HDAC10: variants seen among roughly 807,000 people sequenced by gnomAD.
HDAC10 encodes polyamine deacetylase HDAC10.
HDAC10 carries 90 observed loss-of-function variants against 82.3 expected under a neutral mutation model. The ratio of observed to expected loss-of-function variants is 1.09; its 90% CI spans 0.92 to 1.30. The LOEUF is 1.30. Among genes scored for constraint, HDAC10 ranks in the 50% most tolerant of loss-of-function variants. The pLI is 0.00. For synonymous variants in HDAC10, 456 were observed against 391.7 expected, an observed-to-expected ratio of 1.16 and a Z score of -1.94; for missense variants, 934 against 876.3, an observed-to-expected ratio of 1.07 and a Z score of -0.83.
chr22:50,247,881 C>T lies in HDAC10; in HGVS notation c.1337+9G>A. ...GCCCCATCCTTCTCCCCAGGCCAGCCCTGCCCACCTGGCCCAGGCTTCTGT... is the reference window on the plus strand; with the variant it reads ...GCCCCATCCTTCTCCCCAGGCCAGCTCTGCCCACCTGGCCCAGGCTTCTGT... On this transcript the variant is annotated intron_variant, in intron 13 of 19. Transcript: ENST00000216271. 1 of 1,612,650 alleles carries T rather than the reference C, an allele frequency of 6.2e-7. No homozygotes were observed. Among genetic ancestry groups the T allele is most frequent in the African/African-American group, 1.3e-5 (1 of 75,052 alleles).
In HDAC10 at chr22:50,250,910, G is replaced by A. The variant is rs993780646; in HGVS notation, c.60-5C>T. On this transcript the variant is annotated splice_region_variant and splice_polypyrimidine_tract_variant and intron_variant, in intron 1 of 19. Transcript: ENST00000216271. ...CGCTCGATCTCGCACTCGGGGCTGGGGCAGATGAGGAGCTCAGTTCAGAGG... is the reference window on the plus strand; with the variant it reads ...CGCTCGATCTCGCACTCGGGGCTGGAGCAGATGAGGAGCTCAGTTCAGAGG... The A allele has an allele frequency of 1.9e-6, 3 of 1,604,350 alleles. No homozygotes were observed. Among genetic ancestry groups the A allele is most frequent in the African/African-American group, 1.3e-5 (1 of 74,652 alleles).
Position 50,245,834 on chromosome 22 carries a change from C to T in HDAC10, c.1834-7G>A. 6.4e-7 allele frequency: 1 copy of T among 1,564,510 alleles called. No individual in the cohort carries two copies. The highest frequency in any genetic ancestry group is 1.4e-5 in the African/African-American group (1 of 73,608). Reference sequence around the variant, plus strand: ...CTAGCTGGGGTGTGGAGTTCTGGACCAGGGGCGAAGACGGAAGCAGTCACT... The same window carrying T: ...CTAGCTGGGGTGTGGAGTTCTGGACTAGGGGCGAAGACGGAAGCAGTCACT... On this transcript the variant is annotated splice_region_variant and splice_polypyrimidine_tract_variant and intron_variant, in intron 18 of 19. Transcript: ENST00000216271.
At chr22:50,245,557 G>A in intron 19 of HDAC10, 27 bp from the exon 20 acceptor site, 1 of 1,248,180 alleles carries the variant, frequency 8.0e-7, no homozygotes, top group Non-Finnish European at 1.2e-6. Context: ...GAAGAGGCGC[G>A]CAGTTGGCCT....
Position 50,246,361 on chromosome 22 carries a change from C to A in HDAC10, c.1587G>T (p.Leu529=). The part of the protein sequence containing the change: ...DLAHDGRSLW[L]NIRGKEAAAL... Reference sequence around the variant, plus strand: ...CAGCCGCCTCCTTGCCCCTGATGTTCAGCCACAGACTCCTCCTTCCAGGAC... The same window carrying A: ...CAGCCGCCTCCTTGCCCCTGATGTTAAGCCACAGACTCCTCCTTCCAGGAC... Residue 529 remains leucine (L), a synonymous_variant, in exon 17 of 20, where the codon CTG becomes CTT. Transcript: ENST00000216271. The A allele has an allele frequency of 6.2e-7, 1 of 1,612,512 alleles. No homozygotes were observed. The highest frequency in any genetic ancestry group is 1.1e-5 in the South Asian group (1 of 91,064).
At chr22:50,250,185 G>A (rs1408683912) in intron 3 of HDAC10, 25 bp from the exon 4 acceptor site, 1 of 1,593,798 alleles carries the variant, frequency 6.3e-7, no homozygotes, top group Admixed American at 1.7e-5. Flanking sequence ...GCGCAGATGA[G>A]CCCCCTGCCT....
At position 50,248,669 on chromosome 22, in the gene HDAC10, A is replaced by C. The variant is rs375798796; in HGVS notation, c.899T>G (p.Val300Gly). The C allele has an allele frequency of 6.6e-7, 1 of 1,511,168 alleles. No individual in the cohort carries two copies. Among genetic ancestry groups the C allele is most frequent in the Admixed American group, 2.1e-5 (1 of 48,444 alleles). The allele number at this position is 1,511,168 out of a possible 1,614,324, so 93.6% of individuals were successfully genotyped here. A position where few individuals can be genotyped will look rare whatever the true frequency, so the allele number is the denominator to read the frequency against. ...TGTGCCCTCCCCAGTCACCTCCAGC[A>C]CGGCACAGACCCGGCCGCCGGCCAG... ...QVLAGGRVCA[V>G]LEGGYHLESL... is the part of the protein sequence containing the mutation. The change falls in exon 10 of 20, where the codon GTG (valine) becomes GGG (glycine). Residue 300 changes from valine (V) to glycine (G), a missense_variant. Physicochemically the swap from Val to Gly is moderately radical, Grantham distance 109. Coordinates refer to ENST00000216271, the MANE Select transcript of HDAC10 (RefSeq NM_032019.6). This position sits in a 1 kb window ranked among gnomAD's most constrained non-coding sequence, Gnocchi z 5.4.
rs564657299 is a variant in HDAC10 at position 50,248,558 on chromosome 22, G to T, written c.907-86C>A. 2 of 1,483,864 alleles carry T rather than the reference G, an allele frequency of 1.3e-6. No individual in the cohort carries two copies. Among genetic ancestry groups the T allele is most frequent in the Non-Finnish European group, 1.8e-6 (2 of 1,104,400 alleles). The allele number at this position is 1,483,864 out of a possible 1,614,324, so 91.9% of individuals were successfully genotyped here. On this transcript the variant is annotated intron_variant, in intron 10 of 19. Coordinates refer to ENST00000216271, the MANE Select transcript of HDAC10 (RefSeq NM_032019.6). The surrounding 1 kb of genome is among the most constrained non-coding windows in gnomAD (Gnocchi z 5.4). ...GAGAGCCCCTGCCTGGCTCTATCCC[G>T]GGCAGGACGCCCCTCCCAAATACCC... is the stretch of plus-strand genomic sequence containing the variant.
Position 50,246,226 on chromosome 22 carries a change from G to A in HDAC10, c.1650+72C>T, listed in dbSNP as rs149760482. On this transcript the variant is annotated intron_variant, in intron 17 of 19. Transcript: ENST00000216271. ...ACCAGAGGCCTGCTATCATGACAAT[G>A]CCAGCAAACAGCAGCTGTACACATC... 1,796 of 1,525,604 alleles carry A rather than the reference G, an allele frequency of 1.2e-3. 16 individuals are homozygous for A. In the African/African-American group the frequency reaches 0.021, roughly 18 times the overall value. 94.5% of individuals were successfully genotyped at this position (1,525,604 alleles called of 1,614,324 possible). A position where few individuals can be genotyped will look rare whatever the true frequency, so the allele number is the denominator to read the frequency against.
intron 16 of HDAC10, 132 bp downstream of exon 16, chr22:50,246,547 C>A (rs981708792): frequency 1.8e-6 from 2 of 1,104,988 alleles, no homozygotes. Flanking sequence ...TTCTCCCACA[C>A]CCCAGCTGAG....
At position 50,250,444 on chromosome 22, in the gene HDAC10, C is replaced by G; in HGVS notation, c.274G>C (p.Ala92Pro). The change falls in exon 3 of 20, where the codon GCC becomes CCC. Residue 92 changes from alanine (A) to proline (P), a missense_variant. Coordinates refer to ENST00000216271, the MANE Select transcript of HDAC10 (RefSeq NM_032019.6). ...ELQALSGQFDAIYFHPSTFHC... is the reference protein window; with the variant it reads ...ELQALSGQFDPIYFHPSTFHC... ...ACACGCACCGGGTGGAAGTAGATGGCGTCGAACTGTCCGGACAGCGCCTGC... is the reference window on the plus strand; with the variant it reads ...ACACGCACCGGGTGGAAGTAGATGGGGTCGAACTGTCCGGACAGCGCCTGC... 3 of 1,612,906 alleles carry G rather than the reference C, an allele frequency of 1.9e-6. No individual in the cohort carries two copies. Among genetic ancestry groups the G allele is most frequent in the South Asian group, 1.1e-5 (1 of 91,086 alleles).
intron 1 of HDAC10, 22 bp from the exon 2 acceptor site, chr22:50,250,927 G>C: frequency 6.2e-7 from 1 of 1,608,354 alleles, no homozygotes; most frequent in South Asian, 1.1e-5. Flanking sequence ...GAGGAGCTCA[G>C]TTCAGAGGTC....
intron 14 of HDAC10, 126 bp downstream of exon 14, chr22:50,247,566 G>A: frequency 1.5e-6 from 1 of 687,586 alleles, no homozygotes; most frequent in Non-Finnish European, 2.5e-6. Context: ...CTGGCACAAG[G>A]CAATGTTCAC....
Position 50,250,538 on chromosome 22 carries a change from G to A in HDAC10, c.195-15C>T, listed in dbSNP as rs1289165363. 1.2e-5 allele frequency: 19 copies of A among 1,601,552 alleles called. No homozygotes were observed. The highest frequency in any genetic ancestry group is 1.5e-5 in the Non-Finnish European group (18 of 1,170,370). On this transcript the variant is annotated splice_polypyrimidine_tract_variant and intron_variant, in intron 2 of 19. Transcript: ENST00000216271. ...CATACTCTGGGCTGCATGCAGATGG[G>A]CAGGCAGGAGAGGCAGGGTCACCAG...
At position 50,249,541 on chromosome 22, in the gene HDAC10, CAT is replaced by C. The variant is rs3830750; in HGVS notation, c.564-89_564-88del. 37,699 of 1,605,868 alleles carry C rather than the reference CAT, an allele frequency of 0.023. 725 individuals carry two copies. The highest frequency in any genetic ancestry group is 0.095 in the East Asian group (4,228 of 44,686). ...CCTGTAGAACGCTGACCCCTGAGCA[CAT>C]GTCTGTATCTCACCCCTGGATTTTC... On this transcript the variant is annotated intron_variant, in intron 6 of 19. Transcript: ENST00000216271. The surrounding 1 kb of genome is among the most constrained non-coding windows in gnomAD (Gnocchi z 4.4).
Position 50,248,123 on chromosome 22 carries a change from GC to G in HDAC10, c.1103del (p.Ser368ThrfsTer49). ...QQQDVTAVPM[S>X]PSSHSPEGRP... ...TCCCCTCTGGGGAGTGGCTGCTGGG[GC>G]TCATCGGCACAGCGGTCACATCTAG... On this transcript the variant is annotated frameshift_variant, in exon 13 of 20. Transcript: ENST00000216271. LOFTEE classifies it high-confidence loss of function. This position sits in a 1 kb window ranked among gnomAD's most constrained non-coding sequence, Gnocchi z 5.4. 6.3e-7 allele frequency: 1 copy of G among 1,586,554 alleles called. No individual in the cohort carries two copies. The highest frequency in any genetic ancestry group is 8.6e-7 in the Non-Finnish European group (1 of 1,164,656).
Position 50,247,683 on chromosome 22 carries a change from T to C in HDAC10, c.1422+9A>G. On this transcript the variant is annotated intron_variant, in intron 14 of 19. Transcript: ENST00000216271. ...CACAGCATCCCCAACCCCTCCCAGG[T>C]GCTCCCACCTGCCCATCCAGCATCC... The C allele has an allele frequency of 6.4e-7, 1 of 1,555,056 alleles. No individual in the cohort carries two copies. The highest frequency in any genetic ancestry group is 8.7e-7 in the Non-Finnish European group (1 of 1,144,266).
chr22:50,246,823 G>T (rs1449122894), intron 15 of HDAC10, 52 bp downstream of exon 15: 3 of 1,592,908 alleles, frequency 1.9e-6, no homozygotes. Flanking sequence ...CCAGGATAGG[G>T]GTGCCCACAG....
intron 13 of HDAC10, 24 bp from the exon 14 acceptor site, chr22:50,247,800 C>G (rs778865729): frequency 4.0e-5 from 65 of 1,612,592 alleles, no homozygotes; most frequent in Non-Finnish European, 4.0e-5. Flanking sequence ...ACCAGAGGGA[C>G]ACACAGACAC....
chr22:50,247,850 G>A (rs1355337169), intron 13 of HDAC10, 40 bp downstream of exon 13: 1 of 1,612,670 alleles, frequency 6.2e-7, no homozygotes, highest in Non-Finnish European at 8.5e-7. Context: ...CACAGGTGTA[G>A]ATGCGGCCCC....
Sources: allele counts gnomAD v4.1 joint callset, GRCh38; gene constraint gnomAD v4.1.1; non-coding constraint Gnocchi (gnomAD v3.1); transcripts MANE v1.5; gene names NCBI Gene and HGNC (gene_info 2026-07-23, HGNC 2026-07-21).